RASSF2: variants seen among roughly 807,000 people sequenced by gnomAD.
RASSF2 encodes ras association domain-containing protein 2.
Under a neutral mutation model 46.3 loss-of-function variants are expected in RASSF2, and 34 were observed. The ratio of observed to expected loss-of-function variants is 0.73; its 90% confidence interval spans 0.56 to 0.98. The LOEUF (loss-of-function observed/expected upper bound fraction) is 0.98, where lower values mean the gene tolerates loss of function less well. Ranked by LOEUF, RASSF2 falls within the 50% of genes least tolerant of loss-of-function variation. RASSF2 has a pLI of 0.00. For missense variants in RASSF2, 364 were observed against 431.2 expected, an observed-to-expected ratio of 0.84 and a Z score of 1.38; for synonymous variants, 158 against 162.5, an observed-to-expected ratio of 0.97 and a Z score of 0.21.
chr20:4,785,738 A>C (rs1347661964), intron 11 of RASSF2, among the ~76,000 whole-genome samples: 1 of 152,090 alleles, frequency 6.6e-6, no homozygotes, highest in Non-Finnish European at 1.5e-5. Context: ...CCCTTCAGGC[A>C]AGGGGTGGTA....
chr20:4,794,228 C>G (rs1323532624), intron 5 of RASSF2, among the ~76,000 whole-genome samples: 2 of 151,984 alleles, frequency 1.3e-5, no homozygotes, highest in Non-Finnish European at 2.9e-5. Flanking sequence ...AGTTTGAGAC[C>G]AACCTGTGCA....
intron 2 of RASSF2, among the ~76,000 whole-genome samples, chr20:4,821,078 C>T (rs1364911152): frequency 1.3e-5 from 2 of 152,134 alleles, no homozygotes; most frequent in South Asian, 2.1e-4. Context: ...AAGCAGCTCA[C>T]GTATGGAACG....
intron 2 of RASSF2, among the ~76,000 whole-genome samples, chr20:4,818,953 T>G (rs140943821): frequency 1.8e-4 from 27 of 152,262 alleles, no homozygotes; most frequent in African/African-American, 6.3e-4. Flanking sequence ...ACTGAGTCTT[T>G]TCTTTTCTTT....
chr20:4,804,071 A>C (rs1927135666), intron 2 of RASSF2, among the ~76,000 whole-genome samples: 1 of 151,964 alleles, frequency 6.6e-6, no homozygotes, highest in Non-Finnish European at 1.5e-5. Context: ...AAATTCATTA[A>C]ATTAAATAAT....
intron 6 of RASSF2, among the ~76,000 whole-genome samples, chr20:4,791,317 A>G (rs1423691640): frequency 2.0e-5 from 3 of 152,182 alleles, no homozygotes; most frequent in Non-Finnish European, 4.4e-5. Context: ...CAAGATGGAA[A>G]GAGTTCTGGA....
At chr20:4,809,107 TC>T in intron 2 of RASSF2, among the ~76,000 whole-genome samples, 1 of 152,282 alleles carries the variant, frequency 6.6e-6, no homozygotes, top group South Asian at 2.1e-4. Context: ...GGCAGAATGT[TC>T]CAAATTCTCC....
intron 8 of RASSF2, 44 bp downstream of exon 8, chr20:4,789,552 A>G: frequency 6.6e-7 from 1 of 1,526,280 alleles, no homozygotes; most frequent in South Asian, 1.1e-5. Flanking sequence ...GTCCCAAGGC[A>G]CAGCTGTGAC....
At chr20:4,788,784 C>G (rs1045032739) in intron 8 of RASSF2, among the ~76,000 whole-genome samples, 3 of 152,230 alleles carry the variant, frequency 2.0e-5, no homozygotes, top group African/African-American at 7.2e-5. Flanking sequence ...ATTGGTCATT[C>G]TGTAGCACAC....
intron 2 of RASSF2, among the ~76,000 whole-genome samples, chr20:4,801,485 G>A (rs1200397366): frequency 6.6e-6 from 1 of 152,150 alleles, no homozygotes; most frequent in African/African-American, 2.4e-5. Context: ...AAATACAGCC[G>A]AGTGCGAGAA....
In RASSF2 at chr20:4,782,090, G is replaced by C. The variant is rs2422974; in HGVS notation, c.*2183C>G. 0.79 allele frequency: 120,108 copies of C among 152,204 alleles called. 47,673 individuals are homozygous for C. The highest frequency in any genetic ancestry group is 0.96 in the East Asian group (4,980 of 5,180). The allele number at this position is 152,204 out of a possible 1,614,324, so 9.4% of individuals were successfully genotyped here. On this transcript the variant is annotated 3_prime_UTR_variant, in exon 12 of 12. Transcript: ENST00000379400. Reference sequence around the variant, plus strand: ...CCTGACCTCCCATCTTTAAAAAGCTGAGTCTGCCTTAGTATCGCTCCCTTG... The same window carrying C: ...CCTGACCTCCCATCTTTAAAAAGCTCAGTCTGCCTTAGTATCGCTCCCTTG...
intron 2 of RASSF2, among the ~76,000 whole-genome samples, chr20:4,814,034 C>T (rs1271383955): frequency 6.6e-6 from 1 of 152,094 alleles, no homozygotes; most frequent in Admixed American, 6.6e-5. Flanking sequence ...AACACTGGCC[C>T]CAATAAAGCA....
rs948193985 is a variant in RASSF2, at chr20:4,783,302, G to A, written c.*971C>T. ...ACCTGTCATATCTGCAGGTAGCCTC[G>A]ACATTTCCCTTCAACCTGAAACTTC... On this transcript the variant is annotated 3_prime_UTR_variant, in exon 12 of 12. Transcript: ENST00000379400. 1 of 152,282 alleles carries A rather than the reference G, an allele frequency of 6.6e-6. No homozygotes were observed. The highest frequency in any genetic ancestry group is 6.5e-5 in the Admixed American group (1 of 15,284). The allele number at this position is 152,282 out of a possible 1,614,324, so 9.4% of individuals were successfully genotyped here.
intron 2 of RASSF2, among the ~76,000 whole-genome samples, chr20:4,805,736 A>T (rs1205169773): frequency 6.6e-6 from 1 of 151,948 alleles, no homozygotes; most frequent in Non-Finnish European, 1.5e-5. Flanking sequence ...GGAGAGACAG[A>T]CTCTAGAGAG....
At chr20:4,799,395 G>A (rs1188202338) in intron 3 of RASSF2, among the ~76,000 whole-genome samples, 12 of 152,210 alleles carry the variant, frequency 7.9e-5, no homozygotes, top group Non-Finnish European at 1.3e-4. Flanking sequence ...TGGGATGAGA[G>A]GGGCGAGAGG....
In RASSF2 at chr20:4,795,696, T is replaced by C. The variant is rs956027904; in HGVS notation, c.287+119A>G. ...GGCTAAGGCAGGTGGGCAGTAGAGGTAGTAGGAGGAGGAGCCAGGGTCAGG... is the reference window on the plus strand; with the variant it reads ...GGCTAAGGCAGGTGGGCAGTAGAGGCAGTAGGAGGAGGAGCCAGGGTCAGG... On this transcript the variant is annotated intron_variant, in intron 5 of 11. Coordinates refer to ENST00000379400, the MANE Select transcript of RASSF2 (RefSeq NM_014737.3). This position sits in a 1 kb window ranked among gnomAD's most constrained non-coding sequence, Gnocchi z 4.0. 12 of 1,244,694 alleles carry C rather than the reference T, an allele frequency of 9.6e-6. No individual in the cohort carries two copies. The highest frequency in any genetic ancestry group is 1.3e-5 in the Non-Finnish European group (12 of 904,036). 77.1% of individuals were successfully genotyped at this position (1,244,694 alleles called of 1,614,324 possible).
chr20:4,816,365 A>G (rs1029665471), intron 2 of RASSF2, among the ~76,000 whole-genome samples: 2 of 152,226 alleles, frequency 1.3e-5, no homozygotes, highest in Admixed American at 6.5e-5. Flanking sequence ...ACAAAAGGAC[A>G]AATATTGTTT....
chr20:4,786,462 C>T, intron 10 of RASSF2, 134 bp from the exon 11 acceptor site: 1 of 827,300 alleles, frequency 1.2e-6, no homozygotes. Context: ...TCCTTAAAGG[C>T]AGCAGCCAAG....
Position 4,783,289 on chromosome 20 carries a change from T to C in RASSF2, c.*984A>G, listed in dbSNP as rs1924998254. ...CTGCGTTCAAGGCACCTGTCATATCTGCAGGTAGCCTCGACATTTCCCTTC... is the reference window on the plus strand; with the variant it reads ...CTGCGTTCAAGGCACCTGTCATATCCGCAGGTAGCCTCGACATTTCCCTTC... On this transcript the variant is annotated 3_prime_UTR_variant, in exon 12 of 12. Coordinates refer to ENST00000379400, the MANE Select transcript of RASSF2 (RefSeq NM_014737.3). The C allele has an allele frequency of 6.6e-6, 1 of 152,316 alleles. No homozygotes were observed. Among genetic ancestry groups the C allele is most frequent in the Admixed American group, 6.5e-5 (1 of 15,294 alleles). 9.4% of individuals were successfully genotyped at this position (152,316 alleles called of 1,614,324 possible). A position where few individuals can be genotyped will look rare whatever the true frequency, so the allele number is the denominator to read the frequency against.
At chr20:4,818,612 C>T (rs1928485472) in intron 2 of RASSF2, among the ~76,000 whole-genome samples, 1 of 152,128 alleles carries the variant, frequency 6.6e-6, no homozygotes, top group African/African-American at 2.4e-5. Context: ...AACTGGAAAA[C>T]ACCACAAAGC....
Sources: allele counts gnomAD v4.1 joint callset (sites outside exome capture counted in the v4.1 genomes callset), GRCh38; gene constraint gnomAD v4.1.1; non-coding constraint Gnocchi (gnomAD v3.1); transcripts MANE v1.5; gene names NCBI Gene and HGNC (gene_info 2026-07-23, HGNC 2026-07-21).